ENTPD7: variants seen among roughly 807,000 people sequenced by gnomAD.
ENTPD7 encodes ectonucleoside triphosphate diphosphohydrolase 7.
A neutral mutation model predicts 77.9 loss-of-function variants in ENTPD7; 53 were observed. That is an observed-to-expected ratio of 0.68 (90% CI 0.55 to 0.85). The LOEUF (loss-of-function observed/expected upper bound fraction) is 0.85. Ranked by LOEUF, ENTPD7 falls within the 40% of genes least tolerant of loss-of-function variation. The probability of loss-of-function intolerance (pLI) is 0.00; values close to 1 mark genes in which losing one functional copy is unlikely to be tolerated. For synonymous variants in ENTPD7, 248 were observed against 274.9 expected, an observed-to-expected ratio of 0.90 and a Z score of 0.97; for missense variants, 636 against 743.7, an observed-to-expected ratio of 0.86 and a Z score of 1.68.
chr10:99,690,383 A>G (rs2133477042), intron 7 of ENTPD7, among the ~76,000 whole-genome samples: 1 of 152,318 alleles, frequency 6.6e-6, no homozygotes, highest in South Asian at 2.1e-4. Context: ...AGAAAAATAA[A>G]TGAGTTCATA....
chr10:99,694,955 T>C (rs183100641), intron 8 of ENTPD7, among the ~76,000 whole-genome samples: 4 of 152,208 alleles, frequency 2.6e-5, no homozygotes, highest in African/African-American at 9.6e-5. Flanking sequence ...ATAATACATA[T>C]ATACAAAAAT....
At chr10:99,665,701 T>C (rs2035540114) in intron 3 of ENTPD7, among the ~76,000 whole-genome samples, 1 of 151,906 alleles carries the variant, frequency 6.6e-6, no homozygotes, top group East Asian at 1.9e-4. Flanking sequence ...TTTTTTTTTT[T>C]CTTTTTAAAC....
Position 99,661,586 on chromosome 10 carries a change from G to A in ENTPD7, c.149G>A (p.Arg50Gln), listed in dbSNP as rs1319466916. 2.5e-6 allele frequency: 4 copies of A among 1,611,974 alleles called. No individual in the cohort carries two copies. The South Asian group carries it at 4.4e-5, about 18-fold the overall frequency. ...TTACTTATGTTAATCATAGACTTTCGACATTGGAGTGCTTCATTACCACGA... is the reference window on the plus strand; with the variant it reads ...TTACTTATGTTAATCATAGACTTTCAACATTGGAGTGCTTCATTACCACGA... ...LLLLMLIIDF[R>Q]HWSASLPRDR... Residue 50 changes from arginine (R) to glutamine (Q), a missense_variant, in exon 3 of 13, where the codon CGA (arginine) becomes CAA (glutamine). Around this residue, in one of 3 missense-constraint regions of ENTPD7, gnomAD observed 486 missense variants for 556.5 expected, o/e 0.87. Transcript: ENST00000370489.
At position 99,702,689 on chromosome 10, in the gene ENTPD7, C is replaced by A. The variant is rs759423914; in HGVS notation, c.1583+16C>A. ...TACCACTCAGGTAAAGTAAGACTGA[C>A]CAATCTGGTATCTTGAGCTCAGAGG... On this transcript the variant is annotated intron_variant, in intron 12 of 12. Coordinates refer to ENST00000370489, the MANE Select transcript of ENTPD7 (RefSeq NM_020354.5). The A allele has an allele frequency of 2.5e-6, 4 of 1,593,626 alleles. No individual in the cohort carries two copies. The South Asian group carries it at 4.6e-5, about 18-fold the overall frequency.
In ENTPD7 at chr10:99,665,521, A is replaced by ATCAT. The variant is rs374845727; in HGVS notation, c.191+3909_191+3912dup. ...ACTTTGGTCATTCATTCATTCATTC[A>ATCAT]TCATTCATTCATTCATTCAACAAAA... is the stretch of plus-strand genomic sequence containing the variant. On this transcript the variant is annotated intron_variant, in intron 3 of 12. Coordinates refer to ENST00000370489, the MANE Select transcript of ENTPD7 (RefSeq NM_020354.5). Among the ~76,000 whole-genome samples the ATCAT allele has an allele frequency of 3.4e-3, 523 of 152,150 alleles. 31 individuals carry two copies. The East Asian group carries it at 0.087, about 25-fold the overall frequency.
chr10:99,673,777 A>G (rs950168828), intron 3 of ENTPD7, among the ~76,000 whole-genome samples: 2 of 152,238 alleles, frequency 1.3e-5, no homozygotes, highest in Admixed American at 6.5e-5. Flanking sequence ...TTGATTTTGA[A>G]TAGAGCTGTA....
intron 5 of ENTPD7, among the ~76,000 whole-genome samples, chr10:99,681,698 G>T (rs1037620752): frequency 6.6e-6 from 1 of 152,104 alleles, no homozygotes; most frequent in Non-Finnish European, 1.5e-5. Context: ...GCCAACACTT[G>T]TTGTCTTTTG....
Position 99,660,441 on chromosome 10 carries a change from GAA to G in ENTPD7, c.8+479_8+480del, listed in dbSNP as rs370661882. The G allele has an allele frequency of 3.0e-6, 3 of 998,410 alleles. No homozygotes were observed. In the South Asian group the frequency reaches 4.1e-5, roughly 14 times the overall value. The allele number at this position is 998,410 out of a possible 1,614,324, so 61.8% of individuals were successfully genotyped here. A position where few individuals can be genotyped will look rare whatever the true frequency, so the allele number is the denominator to read the frequency against. ...TGTGGATCTACATGCACCAATAAGGGAAAGTTATAAAATAAAGTGGGGGAAAG... is the reference window on the plus strand; with the variant it reads ...TGTGGATCTACATGCACCAATAAGGGAGTTATAAAATAAAGTGGGGGAAAG... On this transcript the variant is annotated intron_variant, in intron 2 of 12. Coordinates refer to ENST00000370489, the MANE Select transcript of ENTPD7 (RefSeq NM_020354.5).
At chr10:99,663,299 T>C (rs559316092) in intron 3 of ENTPD7, among the ~76,000 whole-genome samples, 1 of 152,246 alleles carries the variant, frequency 6.6e-6, no homozygotes, top group African/African-American at 2.4e-5. Context: ...TCACTGTCTT[T>C]TGGCTTGCAT....
chr10:99,688,424 T>G (rs181360481), intron 6 of ENTPD7, among the ~76,000 whole-genome samples: 1 of 152,370 alleles, frequency 6.6e-6, no homozygotes, highest in East Asian at 1.9e-4. Flanking sequence ...TTTTTTTCGA[T>G]ATCTTCGTGA....
At chr10:99,689,677 T>A (rs1390037609) in intron 7 of ENTPD7, among the ~76,000 whole-genome samples, 1 of 152,202 alleles carries the variant, frequency 6.6e-6, no homozygotes, top group Non-Finnish European at 1.5e-5. Flanking sequence ...ACTGATCAGG[T>A]ATTGAGAGTT....
intron 3 of ENTPD7, among the ~76,000 whole-genome samples, chr10:99,675,237 G>A (rs2035665372): frequency 6.6e-6 from 1 of 151,924 alleles, no homozygotes; most frequent in African/African-American, 2.4e-5. Flanking sequence ...TTAGTATTTT[G>A]GAAAACTGTA....
Position 99,709,005 on chromosome 10 carries a change from C to A in ENTPD7, c.*4322C>A. 1.0e-6 allele frequency: 1 copy of A among 985,354 alleles called. No homozygotes were observed. Among genetic ancestry groups the A allele is most frequent in the Non-Finnish European group, 1.2e-6 (1 of 829,856 alleles). 61.0% of individuals were successfully genotyped at this position (985,354 alleles called of 1,614,324 possible). A position where few individuals can be genotyped will look rare whatever the true frequency, so the allele number is the denominator to read the frequency against. On this transcript the variant is annotated 3_prime_UTR_variant, in exon 13 of 13. Transcript: ENST00000370489. ...TTAGGAATAAACTTTGAAAAAAATA[C>A]TTTGTCAGAAATAGTGCCAAGTTTT... is the stretch of plus-strand genomic sequence containing the variant.
At chr10:99,678,512 ATAT>A in intron 3 of ENTPD7, among the ~76,000 whole-genome samples, 1 of 151,912 alleles carries the variant, frequency 6.6e-6, no homozygotes, top group East Asian at 1.9e-4. Flanking sequence ...TATATATAAA[ATAT>A]TGTAGAAAAG....
Position 99,685,871 on chromosome 10 carries a change from G to T in ENTPD7, c.628G>T (p.Glu210Ter). 6.2e-7 allele frequency: 1 copy of T among 1,613,714 alleles called. No individual in the cohort carries two copies. The highest frequency in any genetic ancestry group is 1.1e-5 in the South Asian group (1 of 91,054). Reference sequence around the variant, plus strand: ...CTTCCTCTTTTCACAGTCTCAAGCAGAAGTGATCTCTGGGAAGCAGGAAGG... The same window carrying T: ...CTTCCTCTTTTCACAGTCTCAAGCATAAGTGATCTCTGGGAAGCAGGAAGG... ...FDFLFSQSQAEVISGKQEGVY... is the reference protein window; with the variant it reads ...FDFLFSQSQA The change falls in exon 6 of 13, where the codon GAA becomes TAA. Residue 210 changes from glutamate to a stop codon, truncating the protein, a stop_gained. Coordinates refer to ENST00000370489, the MANE Select transcript of ENTPD7 (RefSeq NM_020354.5). LOFTEE classifies it high-confidence loss of function.
In ENTPD7 at chr10:99,706,941, C is replaced by T. The variant is rs1313456784; in HGVS notation, c.*2258C>T. Among the ~76,000 whole-genome samples the T allele has an allele frequency of 6.6e-6, 1 of 152,108 alleles. No homozygotes were observed. The highest frequency in any genetic ancestry group is 2.4e-5 in the African/African-American group (1 of 41,418). ...ATGTGCTAAAAATGAACTTGAAACACGGAAGTAGTGGTTGGTCCAGTTTGA... is the reference window on the plus strand; with the variant it reads ...ATGTGCTAAAAATGAACTTGAAACATGGAAGTAGTGGTTGGTCCAGTTTGA... On this transcript the variant is annotated 3_prime_UTR_variant, in exon 13 of 13. Transcript: ENST00000370489.
chr10:99,675,553 T>TG (rs1564629025), intron 3 of ENTPD7, among the ~76,000 whole-genome samples: 6 of 7,928 alleles, frequency 7.6e-4, no homozygotes, highest in Non-Finnish European at 1.5e-3. Flanking sequence ...CATCTTTTTT[T>TG]AGGGGGGTGG....
intron 9 of ENTPD7, 98 bp from the exon 10 acceptor site, chr10:99,698,436 A>G: frequency 8.5e-7 from 1 of 1,170,440 alleles, no homozygotes; most frequent in East Asian, 2.4e-5. Flanking sequence ...CATGAAAACC[A>G]GTAGTAAGAT....
chr10:99,700,369 G>GTTTT (rs1459822098), intron 10 of ENTPD7, among the ~76,000 whole-genome samples: 1 of 151,018 alleles, frequency 6.6e-6, no homozygotes. Flanking sequence ...ATTTTTCCCT[G>GTTTT]AGCATTTATG....
Sources: allele counts gnomAD v4.1 joint callset (sites outside exome capture counted in the v4.1 genomes callset), GRCh38; gene constraint gnomAD v4.1.1; regional missense constraint gnomAD v4.1.1; transcripts MANE v1.5; gene names NCBI Gene and HGNC (gene_info 2026-07-23, HGNC 2026-07-21).